TPI1: variants seen among roughly 807,000 people sequenced by gnomAD.
TPI1 encodes the protein triosephosphate isomerase 1.
Under a neutral mutation model 31.0 loss-of-function variants are expected in TPI1, and 11 were observed. The ratio of observed to expected loss-of-function variants is 0.36; its 90% CI spans 0.22 to 0.59. The LOEUF (loss-of-function observed/expected upper bound fraction) is 0.59. Ranked by LOEUF, TPI1 falls within the 20% of genes least tolerant of loss-of-function variation. The probability of loss-of-function intolerance (pLI) is 0.79; values close to 1 mark genes in which losing one functional copy is unlikely to be tolerated. For synonymous variants in TPI1, 121 were observed against 122.8 expected, an observed-to-expected ratio of 0.99 and a Z score of 0.10; for missense variants, 245 against 319.7, an observed-to-expected ratio of 0.77 and a Z score of 1.78.
intron 1 of TPI1, chr12:6,868,109 C>T (rs1555131751): frequency 5.5e-6 from 7 of 1,274,066 alleles, no homozygotes; most frequent in Admixed American, 2.4e-5. Flanking sequence ...AGACTCCTCC[C>T]CTTCCTCGCC....
In TPI1 at chr12:6,870,908, C is replaced by G. The variant is rs1212879547; in HGVS notation, c.*525C>G. 1.7e-6 allele frequency: 1 copy of G among 590,810 alleles called. No individual in the cohort carries two copies. The highest frequency in any genetic ancestry group is 2.3e-5 in the African/African-American group (1 of 44,148). The allele number at this position is 590,810 out of a possible 1,614,324, so 36.6% of individuals were successfully genotyped here. A position where few individuals can be genotyped will look rare whatever the true frequency, so the allele number is the denominator to read the frequency against. ...GCAGCTATATAAATGATCATTTGTG[C>G]AAGAAAAAAAAAAAAACAAGAACAG... On this transcript the variant is annotated 3_prime_UTR_variant, in exon 7 of 7. Coordinates refer to ENST00000396705, the MANE Select transcript of TPI1 (RefSeq NM_000365.6).
At chr12:6,867,456 A>G, upstream of TPI1, 1 of 1,517,382 alleles carries the variant, frequency 6.6e-7, no homozygotes, top group African/African-American at 1.4e-5. Context: ...TGGGCGGGCC[A>G]TGGCGGAGGA....
At position 6,869,165 on chromosome 12, in the gene TPI1, C is replaced by T. The variant is rs1393532668; in HGVS notation, c.306C>T (p.Val102=). Residue 102 remains valine, a synonymous_variant, in exon 3 of 7, where the codon GTC becomes GTT. Transcript: ENST00000396705. ...TGGGGCACTCAGAGAGAAGGCATGT[C>T]TTTGGGGAGTCAGATGAGGTTAGTA... ...VVLGHSERRH[V]FGESDELIGQ... is the part of the protein sequence containing the mutation. The T allele has an allele frequency of 1.9e-6, 3 of 1,614,028 alleles. No individual in the cohort carries two copies. The highest frequency in any genetic ancestry group is 1.3e-5 in the African/African-American group (1 of 74,906).
In TPI1 at chr12:6,867,537, A is replaced by G. The variant is rs782704781; in HGVS notation, c.-30A>G. The G allele has an allele frequency of 1.4e-5, 23 of 1,608,166 alleles. No homozygotes were observed. The highest frequency in any genetic ancestry group is 3.3e-5 in the South Asian group (3 of 90,472). On this transcript the variant is annotated 5_prime_UTR_variant, in exon 1 of 7. Transcript: ENST00000396705. Reference sequence around the variant, plus strand: ...GCAGTGGCCGCGACTGCGCGCAGACACTGACCTTCAGCGCCTCGGCTCCAG... The same window carrying G: ...GCAGTGGCCGCGACTGCGCGCAGACGCTGACCTTCAGCGCCTCGGCTCCAG...
rs1160785291 is a variant in TPI1, at chr12:6,867,632, G to C, written c.66G>C (p.Leu22=). The change falls in exon 1 of 7, where the codon CTG becomes CTC. Residue 22 remains leucine (L), a synonymous_variant. Coordinates refer to ENST00000396705, the MANE Select transcript of TPI1 (RefSeq NM_000365.6). ...AGATGAACGGGCGGAAGCAGAGTCT[G>C]GGGGAGCTCATCGGCACTCTGAACG... ...NWKMNGRKQS[L]GELIGTLNAA... is the part of the protein sequence containing the mutation. 1 of 1,612,714 alleles carries C rather than the reference G, an allele frequency of 6.2e-7. No individual in the cohort carries two copies. The highest frequency in any genetic ancestry group is 1.1e-5 in the South Asian group (1 of 91,020).
At chr12:6,868,281 C>A in intron 1 of TPI1, 1 of 1,287,616 alleles carries the variant, frequency 7.8e-7, no homozygotes, top group Non-Finnish European at 1.0e-6. Context: ...ACCGCTTTCC[C>A]CAACCTGGAA....
At chr12:6,870,228 C>T (rs1445145015) in intron 6 of TPI1, 37 bp from the exon 7 acceptor site, 21 of 1,606,396 alleles carry the variant, frequency 1.3e-5, no homozygotes, top group East Asian at 2.2e-5. Flanking sequence ...AGACTCATCC[C>T]ATTCTTGACC....
chr12:6,868,290 A>G, intron 1 of TPI1: 1 of 1,287,590 alleles, frequency 7.8e-7, no homozygotes, highest in Non-Finnish European at 1.0e-6. Flanking sequence ...CCCAACCTGG[A>G]AACAGCAAAG....
At chr12:6,868,636 G>C in intron 1 of TPI1, 2 of 1,357,636 alleles carry the variant, frequency 1.5e-6, no homozygotes, top group Non-Finnish European at 9.8e-7. Context: ...CAGAGGGCAG[G>C]GTGAGGGCCG....
At chr12:6,869,513 A>G in intron 4 of TPI1, 123 bp downstream of exon 4, 1 of 1,532,050 alleles carries the variant, frequency 6.5e-7, no homozygotes, top group Non-Finnish European at 9.0e-7. Flanking sequence ...GGGGAGGGGG[A>G]GTGACAATCT....
At position 6,870,443 on chromosome 12, in the gene TPI1, A is replaced by G; in HGVS notation, c.*60A>G. The stretch of plus-strand genomic sequence containing the variant: ...CAGGGACTAAGCAGCCCAGAAGCCC[A>G]GTAACTGCCCTTTCCCTGCATATGC... On this transcript the variant is annotated 3_prime_UTR_variant, in exon 7 of 7. Transcript: ENST00000396705. 7.7e-7 allele frequency: 1 copy of G among 1,293,214 alleles called. No homozygotes were observed. The highest frequency in any genetic ancestry group is 1.1e-6 in the Non-Finnish European group (1 of 888,546). 80.1% of individuals were successfully genotyped at this position (1,293,214 alleles called of 1,614,324 possible).
rs782727691 is a variant in TPI1 at position 6,868,355 on chromosome 12, C to T, written c.116-509C>T. ...GCCACCCACGGGCAAAGGATGCTCT[C>T]CTCCATCCTCCTTCCTCCCTCCACC... is the stretch of plus-strand genomic sequence containing the variant. On this transcript the variant is annotated intron_variant, in intron 1 of 6. Transcript: ENST00000396705. 3 of 1,287,894 alleles carry T rather than the reference C, an allele frequency of 2.3e-6. No homozygotes were observed. In the East Asian group the frequency reaches 1.7e-4, roughly 71 times the overall value. The allele number at this position is 1,287,894 out of a possible 1,614,324, so 79.8% of individuals were successfully genotyped here.
Position 6,870,588 on chromosome 12 carries a change from T to C in TPI1, c.*205T>C, listed in dbSNP as rs1256597827. The stretch of plus-strand genomic sequence containing the variant: ...CCAATCCCTTCTCCACTTACTATAA[T>C]GGTTGGAACTAAACGTCACCAAGGT... On this transcript the variant is annotated 3_prime_UTR_variant, in exon 7 of 7. Transcript: ENST00000396705. 2.7e-6 allele frequency: 2 copies of C among 737,934 alleles called. No homozygotes were observed. Among genetic ancestry groups the C allele is most frequent in the Non-Finnish European group, 2.5e-6 (1 of 398,248 alleles). 45.7% of individuals were successfully genotyped at this position (737,934 alleles called of 1,614,324 possible). A position where few individuals can be genotyped will look rare whatever the true frequency, so the allele number is the denominator to read the frequency against.
At chr12:6,869,942 T>C (rs1944549837) in intron 5 of TPI1, 107 bp from the exon 6 acceptor site, 1 of 1,427,106 alleles carries the variant, frequency 7.0e-7, no homozygotes, top group East Asian at 2.3e-5. Flanking sequence ...ATCAGAGCCC[T>C]GGTACTCTGA....
chr12:6,869,923 C>G, intron 5 of TPI1, 126 bp from the exon 6 acceptor site: 4 of 1,388,220 alleles, frequency 2.9e-6, no homozygotes, highest in Non-Finnish European at 4.1e-6. Flanking sequence ...AGTCCAGGGC[C>G]TGGCTTGGAT....
chr12:6,868,756 CAAG>C (rs567710529), intron 1 of TPI1, 105 bp from the exon 2 acceptor site: 271 of 1,506,068 alleles, frequency 1.8e-4, no homozygotes, highest in South Asian at 6.9e-4. Context: ...AGAGCAGAAC[CAAG>C]AAGAAGAGGG....
rs199881593 is a variant in TPI1 at position 6,869,316 on chromosome 12, T to C, written c.383T>C (p.Ile128Thr). ...LAEGLGVIAC[I>T]GEKLDEREAG... ...GAGGGACTCGGAGTAATCGCCTGCA[T>C]TGGGGAGAAGCTAGATGAAAGGGAA... is the stretch of plus-strand genomic sequence containing the variant. The change falls in exon 4 of 7, where the codon ATT (isoleucine) becomes ACT (threonine). Residue 128 changes from isoleucine to threonine, a missense_variant. Around this residue, in one of 3 missense-constraint regions of TPI1, gnomAD observed 127 missense variants for 163.7 expected, o/e 0.78. Coordinates refer to ENST00000396705, the MANE Select transcript of TPI1 (RefSeq NM_000365.6). The C allele has an allele frequency of 1.9e-5, 30 of 1,613,956 alleles. No homozygotes were observed. The East Asian group carries it at 2.0e-4, about 11-fold the overall frequency.
chr12:6,867,864 G>C (rs1181274479), intron 1 of TPI1, among the ~76,000 whole-genome samples, 183 bp downstream of exon 1: 1 of 152,210 alleles, frequency 6.6e-6, no homozygotes, highest in African/African-American at 2.4e-5. Flanking sequence ...CCGTCGGTGC[G>C]TCGAGGGGGC....
intron 1 of TPI1, chr12:6,868,608 C>T (rs1944512231): frequency 5.2e-6 from 7 of 1,356,010 alleles, no homozygotes; most frequent in Middle Eastern, 2.8e-4. Flanking sequence ...GAAATTGGAG[C>T]CCCAGCTGTT....
Sources: allele counts gnomAD v4.1 joint callset (sites outside exome capture counted in the v4.1 genomes callset), GRCh38; gene constraint gnomAD v4.1.1; regional missense constraint gnomAD v4.1.1; transcripts MANE v1.5; gene names NCBI Gene and HGNC (gene_info 2026-07-23, HGNC 2026-07-21).